Variants in COL17A1 observed in about 807,000 individuals in gnomAD.
COL17A1 encodes the protein collagen type XVII alpha 1 chain, also known as collagen alpha-1(XVII) chain.
Under a neutral mutation model 218.4 loss-of-function variants are expected in COL17A1, and 181 were observed. That is an observed-to-expected ratio of 0.83 (90% CI 0.73 to 0.94). COL17A1 has a LOEUF of 0.94. Among genes scored for constraint, COL17A1 ranks in the 40% least tolerant of loss-of-function variants. The pLI, the probability that COL17A1 is intolerant of heterozygous loss-of-function variation, is 0.00. For missense variants in COL17A1, 1,924 were observed against 1,945.9 expected (o/e 0.99, Z 0.21); for synonymous variants, 721 against 731.0 (o/e 0.99, Z 0.22).
At chr10:104,060,366 A>G in intron 13 of COL17A1, 86 bp from the exon 14 acceptor site, 1 of 1,568,770 alleles carries the variant, frequency 6.4e-7, no homozygotes, top group East Asian at 2.3e-5. Flanking sequence ...GAAGGAGAAG[A>G]AAGAGAAGGA....
intron 51 of COL17A1, 39 bp downstream of exon 51, chr10:104,034,582 G>A: frequency 6.2e-7 from 1 of 1,600,828 alleles, no homozygotes; most frequent in South Asian, 1.1e-5. Context: ...AGCAAGGCCT[G>A]CGGGGTGCCT....
At position 104,034,107 on chromosome 10, in the gene COL17A1, C is replaced by T. The variant is rs1181390729; in HGVS notation, c.3994G>A (p.Gly1332Arg). The stretch of plus-strand genomic sequence containing the variant: ...TCAGTGCCATAGGGACCCCTGTCTC[C>T]TGCAGCTTCACCAAAGGCACCGCCT... ...GAGGAFGEAA[G>R]DRGPYGTDIG... Residue 1332 changes from glycine to arginine, a missense_variant, in exon 52 of 56, where the codon GGA (glycine) becomes AGA (arginine). Gly to Arg is a moderately radical substitution (Grantham distance 125). Coordinates refer to ENST00000648076, the MANE Select transcript of COL17A1 (RefSeq NM_000494.4). The T allele has an allele frequency of 6.2e-7, 1 of 1,614,026 alleles. No individual in the cohort carries two copies. Among genetic ancestry groups the T allele is most frequent in the African/African-American group, 1.3e-5 (1 of 74,936 alleles).
chr10:104,042,773 T>C (rs2086373077), intron 35 of COL17A1, among the ~76,000 whole-genome samples: 1 of 152,224 alleles, frequency 6.6e-6, no homozygotes, highest in African/African-American at 2.4e-5. Context: ...CTGGCCTTGG[T>C]TGTGGTAAGT....
rs200312686 is a variant in COL17A1, at chr10:104,041,075, C to T, written c.2691G>A (p.Leu897=). The part of the protein sequence containing the change: ...PGPPGPPGSF[L]SNSETFLSGP... Reference sequence around the variant, plus strand: ...ACTCCCTGACATTACCTGAGTTGGACAGGAACGATCCTGGTGGGCCTGGTG... The same window carrying T: ...ACTCCCTGACATTACCTGAGTTGGATAGGAACGATCCTGGTGGGCCTGGTG... Residue 897 remains leucine (L), a synonymous_variant, in exon 39 of 56, where the codon CTG becomes CTA. Coordinates refer to ENST00000648076, the MANE Select transcript of COL17A1 (RefSeq NM_000494.4). The T allele has an allele frequency of 1.2e-6, 2 of 1,614,136 alleles. No individual in the cohort carries two copies. The highest frequency in any genetic ancestry group is 2.2e-5 in the South Asian group (2 of 91,084).
At chr10:104,045,215 A>T (rs145681229) in intron 33 of COL17A1, among the ~76,000 whole-genome samples, 36 of 152,262 alleles carry the variant, frequency 2.4e-4, no homozygotes, top group Admixed American at 8.5e-4. Flanking sequence ...ACCCCCGAGG[A>T]TGAGCTCCCC....
intron 53 of COL17A1, 130 bp from the exon 54 acceptor site, chr10:104,033,098 G>A: frequency 6.6e-7 from 1 of 1,509,328 alleles, no homozygotes; most frequent in East Asian, 2.5e-5. Flanking sequence ...ACAAAGTTCA[G>A]AATTTATAGA....
chr10:104,036,429 G>A (rs2086299240), intron 48 of COL17A1, 63 bp downstream of exon 48: 1 of 1,607,042 alleles, frequency 6.2e-7, no homozygotes, highest in Non-Finnish European at 8.5e-7. Flanking sequence ...GGAAGTTCAC[G>A]CTGCGAGTCC....
intron 48 of COL17A1, 142 bp downstream of exon 48, chr10:104,036,350 G>T: frequency 8.2e-7 from 1 of 1,221,742 alleles, no homozygotes; most frequent in Non-Finnish European, 1.2e-6. Context: ...AGGTTTGAAC[G>T]GCTCTGAGCA....
intron 5 of COL17A1, among the ~76,000 whole-genome samples, chr10:104,075,362 C>T (rs1464246632): frequency 6.6e-6 from 1 of 151,824 alleles, no homozygotes; most frequent in East Asian, 1.9e-4. Context: ...CATCTAATTC[C>T]CTGTTTCAGT....
At chr10:104,084,539 G>A (rs562736807) in intron 1 of COL17A1, among the ~76,000 whole-genome samples, 46 of 152,200 alleles carry the variant, frequency 3.0e-4, no homozygotes, top group Admixed American at 1.2e-3. Flanking sequence ...GCACCACTAC[G>A]CACACCACTA....
chr10:104,047,674 C>T (rs2086425950), intron 31 of COL17A1, 65 bp downstream of exon 31: 3 of 1,336,708 alleles, frequency 2.2e-6, no homozygotes, highest in Middle Eastern at 1.8e-4. Flanking sequence ...CACATGCCTA[C>T]ATCCACACAC....
chr10:104,073,785 A>G (rs1268298146), intron 6 of COL17A1, among the ~76,000 whole-genome samples: 3 of 152,182 alleles, frequency 2.0e-5, no homozygotes, highest in Non-Finnish European at 4.4e-5. Flanking sequence ...TTCCCTTGAA[A>G]GCAAGCAATA....
chr10:104,052,931 G>T, intron 23 of COL17A1, 100 bp downstream of exon 23: 5 of 1,399,696 alleles, frequency 3.6e-6, no homozygotes, highest in Non-Finnish European at 5.1e-6. Context: ...AATGAAGGAA[G>T]GGGGGAGAAA....
In COL17A1 at chr10:104,061,304, C is replaced by T. The variant is rs543635411; in HGVS notation, c.979+101G>A. On this transcript the variant is annotated intron_variant, in intron 13 of 55. Transcript: ENST00000648076. Reference sequence around the variant, plus strand: ...CACTCATGGGTCCTATTTCCTCTTCCAGTATACCATGTGTATTGGAAGGAT... The same window carrying T: ...CACTCATGGGTCCTATTTCCTCTTCTAGTATACCATGTGTATTGGAAGGAT... 8.5e-5 allele frequency: 103 copies of T among 1,210,222 alleles called. No homozygotes were observed. In the African/African-American group the frequency reaches 1.4e-3, roughly 17 times the overall value. The allele number at this position is 1,210,222 out of a possible 1,614,324, so 75.0% of individuals were successfully genotyped here. A position where few individuals can be genotyped will look rare whatever the true frequency, so the allele number is the denominator to read the frequency against.
Position 104,055,988 on chromosome 10 carries a change from T to C in COL17A1, c.1481A>G (p.Lys494Arg). The C allele has an allele frequency of 6.2e-7, 1 of 1,614,154 alleles. No individual in the cohort carries two copies. Among genetic ancestry groups the C allele is most frequent in the Non-Finnish European group, 8.5e-7 (1 of 1,180,016 alleles). Reference sequence around the variant, plus strand: ...CAGCTCATCCACACGCGCCTTCAGCTTCCTCACCTCCTCCGCTGCAACAAA... The same window carrying C: ...CAGCTCATCCACACGCGCCTTCAGCCTCCTCACCTCCTCCGCTGCAACAAA... ...GLIALAEEVR[K>R]LKARVDELER... Residue 494 changes from lysine to arginine, a missense_variant, in exon 18 of 56, where the codon AAG (lysine) becomes AGG (arginine). By Grantham distance (26) the Lys-to-Arg change is conservative. Coordinates refer to ENST00000648076, the MANE Select transcript of COL17A1 (RefSeq NM_000494.4).
chr10:104,041,046 C>T lies in COL17A1; in HGVS notation c.2701+19G>A. 5 of 1,614,162 alleles carry T rather than the reference C, an allele frequency of 3.1e-6. No homozygotes were observed. Among genetic ancestry groups the T allele is most frequent in the Non-Finnish European group, 4.2e-6 (5 of 1,179,984 alleles). ...GGGCTGAGGTGGAGAACAGGTGCGA[C>T]TTGACTCCCTGACATTACCTGAGTT... On this transcript the variant is annotated intron_variant, in intron 39 of 55. Transcript: ENST00000648076.
At chr10:104,079,836 A>T (rs2134663038) in intron 2 of COL17A1, among the ~76,000 whole-genome samples, 1 of 151,746 alleles carries the variant, frequency 6.6e-6, no homozygotes, top group Middle Eastern at 3.4e-3. Context: ...CTGAGACAGG[A>T]GAATGGCTTG....
chr10:104,050,693 T>C, intron 26 of COL17A1, 37 bp from the exon 27 acceptor site: 1 of 1,614,184 alleles, frequency 6.2e-7, no homozygotes, highest in South Asian at 1.1e-5. Context: ...TAAAATGCCC[T>C]ACAAGGGACA....
intron 43 of COL17A1, 119 bp from the exon 44 acceptor site, chr10:104,039,240 T>C: frequency 9.0e-7 from 1 of 1,110,002 alleles, no homozygotes; most frequent in Non-Finnish European, 1.4e-6. Context: ...GCCTCCTTTT[T>C]GTAATAATAC....
Sources: gnomAD v4.1 joint callset for allele counts (sites outside exome capture counted in the v4.1 genomes callset) on GRCh38, gnomAD v4.1.1 for gene constraint, MANE v1.5 for transcripts, NCBI Gene and HGNC (gene_info 2026-07-23, HGNC 2026-07-21) for gene names.